CREB3L3: variants seen among roughly 807,000 people sequenced by gnomAD.
The protein encoded by CREB3L3 is cyclic AMP-responsive element-binding protein 3-like protein 3.
CREB3L3 carries 40 observed loss-of-function variants against 44.6 expected under a neutral mutation model. The observed-to-expected ratio is 0.90, with a 90% CI of 0.70 to 1.17. The LOEUF is 1.17. CREB3L3 is among the 50% of genes most tolerant of loss of function. CREB3L3 has a pLI of 0.00. For missense variants in CREB3L3, 578 were observed against 595.8 expected (o/e 0.97, Z 0.31); for synonymous variants, 273 against 256.3 (o/e 1.06, Z -0.62).
Position 4,164,625 on chromosome 19 carries a change from G to A in CREB3L3, c.699G>A (p.Gln233=). 1 of 1,614,070 alleles carries A rather than the reference G, an allele frequency of 6.2e-7. No homozygotes were observed. Among genetic ancestry groups the A allele is most frequent in the Admixed American group, 1.7e-5 (1 of 59,990 alleles). Residue 233 remains glutamine (Q), a synonymous_variant, in exon 5 of 10, where the codon CAG becomes CAA. Transcript: ENST00000078445. Reference sequence around the variant, plus strand: ...AAGAAGGCATCACCCTGCCCACTCAGCTGCCCCTCACTAAGGTGAGTCTGG... The same window carrying A: ...AAGAAGGCATCACCCTGCCCACTCAACTGCCCCTCACTAAGGTGAGTCTGG... ...LAKEGITLPT[Q]LPLTKYEERV...
intron 6 of CREB3L3, 118 bp from the exon 7 acceptor site, chr19:4,170,022 T>G: frequency 1.0e-6 from 1 of 960,422 alleles, no homozygotes; most frequent in Non-Finnish European, 1.7e-6. Context: ...GATGAATGAC[T>G]TCCCCTCTCT....
chr19:4,165,818 A>C (rs1284166312), intron 5 of CREB3L3, among the ~76,000 whole-genome samples: 1 of 152,108 alleles, frequency 6.6e-6, no homozygotes, highest in Non-Finnish European at 1.5e-5. Context: ...TGGAGGTTGC[A>C]GTGAGCCGAG....
chr19:4,169,557 A>T (rs1966996155), intron 6 of CREB3L3, among the ~76,000 whole-genome samples: 1 of 148,980 alleles, frequency 6.7e-6, no homozygotes, highest in Non-Finnish European at 1.5e-5. Context: ...TTCTGGAAAC[A>T]TCACTGCCTG....
chr19:4,164,388 G>A (rs535811495), intron 4 of CREB3L3, 115 bp from the exon 5 acceptor site: 15 of 1,328,572 alleles, frequency 1.1e-5, no homozygotes, highest in South Asian at 7.1e-5. Context: ...GATGACAGGC[G>A]TGAGCCACCA....
At chr19:4,158,971 A>C (rs2041624948) in intron 3 of CREB3L3, among the ~76,000 whole-genome samples, 1 of 152,128 alleles carries the variant, frequency 6.6e-6, no homozygotes, top group Non-Finnish European at 1.5e-5. Flanking sequence ...ACCAGAGGTG[A>C]ATCAGACCTC....
chr19:4,166,444 T>G (rs1966907894), intron 5 of CREB3L3, among the ~76,000 whole-genome samples: 1 of 100,604 alleles, frequency 9.9e-6, no homozygotes, highest in African/African-American at 3.8e-5. Flanking sequence ...TTTTTTTTTT[T>G]GAGTAGAGAC....
chr19:4,167,225 C>T (rs1054610345), intron 5 of CREB3L3, among the ~76,000 whole-genome samples: 4 of 151,846 alleles, frequency 2.6e-5, no homozygotes, highest in Non-Finnish European at 5.9e-5. Flanking sequence ...CACCTGTAAT[C>T]CCAGCTACTT....
In CREB3L3 at chr19:4,172,610, AACAG is replaced by A. The variant is rs940196200; in HGVS notation, c.*649_*652del. The stretch of plus-strand genomic sequence containing the variant: ...ACACAGATTGAAACAGACCCAGACA[AACAG>A]ACAGACACAGCCTGAAACAGACCCA... On this transcript the variant is annotated 3_prime_UTR_variant, in exon 10 of 10. Coordinates refer to ENST00000078445, the MANE Select transcript of CREB3L3 (RefSeq NM_032607.3). 2.8e-5 allele frequency: 5 copies of A among 176,702 alleles called. No homozygotes were observed. The highest frequency in any genetic ancestry group is 4.2e-5 in the Non-Finnish European group (4 of 94,844). The allele number at this position is 176,702 out of a possible 1,614,324, so 10.9% of individuals were successfully genotyped here.
chr19:4,163,970 A>ATTT (rs746262345), intron 4 of CREB3L3, among the ~76,000 whole-genome samples: 18 of 114,886 alleles, frequency 1.6e-4, no homozygotes, highest in Admixed American at 4.0e-4. Flanking sequence ...TGGTCGGGTA[A>ATTT]TTTTTTTTTT....
chr19:4,164,799 C>T (rs1253652394), intron 5 of CREB3L3, among the ~76,000 whole-genome samples, 159 bp downstream of exon 5: 1 of 152,182 alleles, frequency 6.6e-6, no homozygotes, highest in Non-Finnish European at 1.5e-5. Context: ...ACCTCTGCCT[C>T]TCAGATTCCA....
chr19:4,170,803 C>T (rs898434738), intron 7 of CREB3L3, among the ~76,000 whole-genome samples: 10 of 151,398 alleles, frequency 6.6e-5, no homozygotes, highest in East Asian at 1.9e-4. Context: ...CCCAGCTACT[C>T]GGGAGGCTGA....
intron 5 of CREB3L3, among the ~76,000 whole-genome samples, chr19:4,167,774 A>G (rs1422063235): frequency 6.6e-6 from 1 of 151,854 alleles, no homozygotes; most frequent in Non-Finnish European, 1.5e-5. Context: ...GGCACCTCCC[A>G]GAGACTCTGT....
chr19:4,167,404 A>G (rs1157898544), intron 5 of CREB3L3, among the ~76,000 whole-genome samples: 1 of 150,514 alleles, frequency 6.6e-6, no homozygotes, highest in African/African-American at 2.4e-5. Flanking sequence ...AAAGAAAGAA[A>G]GAAAGGAAAA....
At chr19:4,165,252 T>C (rs1416611961) in intron 5 of CREB3L3, among the ~76,000 whole-genome samples, 2 of 149,786 alleles carry the variant, frequency 1.3e-5, no homozygotes, top group Admixed American at 6.6e-5. Context: ...ACTTCAGCCT[T>C]GACCTCCTGG....
At position 4,160,016 on chromosome 19, in the gene CREB3L3, C is replaced by T. The variant is rs1014051595; in HGVS notation, c.576+234C>T. On this transcript the variant is annotated intron_variant, in intron 4 of 9. Coordinates refer to ENST00000078445, the MANE Select transcript of CREB3L3 (RefSeq NM_032607.3). ...AACAACAACTAAAAGCTAAAACTGG[C>T]TGAGTGTGGTGGTTCACACCTGTAA... 4.6e-5 allele frequency among the ~76,000 whole-genome samples: 7 copies of T among 152,210 alleles called. No homozygotes were observed. The South Asian group carries it at 1.5e-3, about 32-fold the overall frequency.
chr19:4,168,279 G>A (rs1025919549), intron 5 of CREB3L3, 72 bp from the exon 6 acceptor site: 79 of 1,194,664 alleles, frequency 6.6e-5, no homozygotes, highest in Non-Finnish European at 7.1e-5. Flanking sequence ...GATTACAGGC[G>A]AGAGCTACTG....
intron 7 of CREB3L3, 123 bp downstream of exon 7, chr19:4,170,331 C>A: frequency 1.0e-6 from 1 of 955,692 alleles, no homozygotes. Flanking sequence ...ACCTATGGGC[C>A]GCGTGCAGTG....
chr19:4,165,339 A>ATTTT (rs34585723), intron 5 of CREB3L3, among the ~76,000 whole-genome samples: 6 of 138,174 alleles, frequency 4.3e-5, no homozygotes, highest in African/African-American at 8.1e-5. Flanking sequence ...GGCTAATTTA[A>ATTTT]TTTTTTTTTT....
chr19:4,164,380 T>C lies in CREB3L3; in HGVS notation c.577-123T>C, dbSNP rs938187518. 19 of 1,197,328 alleles carry C rather than the reference T, an allele frequency of 1.6e-5. No homozygotes were observed. In the Admixed American group the frequency reaches 1.9e-4, roughly 12 times the overall value. The allele number at this position is 1,197,328 out of a possible 1,614,324, so 74.2% of individuals were successfully genotyped here. ...GCCTCAGCCTCTCTAAGTGCTGGGA[T>C]GACAGGCGTGAGCCACCACACCCAG... is the stretch of plus-strand genomic sequence containing the variant. On this transcript the variant is annotated intron_variant, in intron 4 of 9. Transcript: ENST00000078445.
Sources: allele counts gnomAD v4.1 joint callset (sites outside exome capture counted in the v4.1 genomes callset), GRCh38; gene constraint gnomAD v4.1.1; transcripts MANE v1.5; gene names NCBI Gene and HGNC (gene_info 2026-07-23, HGNC 2026-07-21).